The following TUSC3 variants were observed in gnomAD, a reference collection of about 807,000 sequenced individuals.
The protein encoded by TUSC3 is dolichyl-diphosphooligosaccharide--protein glycosyltransferase subunit TUSC3.
Under a neutral mutation model 44.8 loss-of-function variants are expected in TUSC3, and 45 were observed. The ratio of observed to expected loss-of-function variants is 1.00; its 90% CI spans 0.79 to 1.29. The LOEUF is 1.29. TUSC3 is among the 50% of genes most tolerant of loss of function. The pLI is 0.00. For missense variants in TUSC3, 519 were observed against 437.9 expected, an observed-to-expected ratio of 1.19 and a Z score of -1.65; for synonymous variants, 212 against 152.9, an observed-to-expected ratio of 1.39 and a Z score of -2.85.
chr8:15,631,822 C>T (rs1011760180), intron 2 of TUSC3, among the ~76,000 whole-genome samples: 64 of 152,156 alleles, frequency 4.2e-4, no homozygotes, highest in African/African-American at 1.5e-3. Flanking sequence ...TCTCCTGCCT[C>T]AGCCTCTCAG....
intron 1 of TUSC3, among the ~76,000 whole-genome samples, chr8:15,434,864 C>G (rs1201353781): frequency 1.3e-5 from 2 of 152,002 alleles, no homozygotes; most frequent in Non-Finnish European, 2.9e-5. Flanking sequence ...AGGACATGAA[C>G]TCATCATTTT....
chr8:15,809,410 C>G, the TUSC3 span, among the ~76,000 whole-genome samples: 1 of 152,070 alleles, frequency 6.6e-6, no homozygotes, highest in Non-Finnish European at 1.5e-5. Context: ...GGTAAAGGTC[C>G]CTTAAACAAA....
chr8:15,512,904 G>A (rs1447711139), intron 2 of TUSC3, among the ~76,000 whole-genome samples: 2 of 102,260 alleles, frequency 2.0e-5, no homozygotes, highest in African/African-American at 3.8e-5. Flanking sequence ...TTCTCTCGGT[G>A]TATATATATG....
At chr8:15,839,374 G>A in the TUSC3 span, among the ~76,000 whole-genome samples, 3 of 152,124 alleles carry the variant, frequency 2.0e-5, no homozygotes, top group Admixed American at 6.5e-5. Context: ...TGATTGCCCT[G>A]GCCAGAACTC....
chr8:15,735,498 T>TA (rs1391886735), intron 7 of TUSC3, among the ~76,000 whole-genome samples: 2 of 152,170 alleles, frequency 1.3e-5, no homozygotes, highest in African/African-American at 4.8e-5. Context: ...CTTAAGATCA[T>TA]AAAGCCAATC....
the TUSC3 span, among the ~76,000 whole-genome samples, chr8:15,793,778 G>T: frequency 6.6e-6 from 1 of 152,164 alleles, no homozygotes; most frequent in Admixed American, 6.5e-5. Context: ...ACATATAGGA[G>T]CACATATAGG....
At chr8:15,599,243 T>G (rs543890968) in intron 1 of TUSC3, among the ~76,000 whole-genome samples, 1 of 152,036 alleles carries the variant, frequency 6.6e-6, no homozygotes, top group South Asian at 2.1e-4. Context: ...GTGAGATGTC[T>G]CTTAAGGTCT....
intron 9 of TUSC3, among the ~76,000 whole-genome samples, chr8:15,755,226 T>G (rs1378479543): frequency 6.6e-6 from 1 of 152,144 alleles, no homozygotes; most frequent in Non-Finnish European, 1.5e-5. Flanking sequence ...TCAAGCTAAG[T>G]TCTCATTTAT....
chr8:15,515,716 G>A (rs1320378885), intron 2 of TUSC3, among the ~76,000 whole-genome samples: 1 of 152,052 alleles, frequency 6.6e-6, no homozygotes, highest in Non-Finnish European at 1.5e-5. Context: ...CACCCAGACT[G>A]GAGGGCAGTC....
chr8:15,561,257 C>T (rs1027703827), intron 1 of TUSC3, among the ~76,000 whole-genome samples: 1 of 146,200 alleles, frequency 6.8e-6, no homozygotes, highest in African/African-American at 2.5e-5. Flanking sequence ...GTTGGAATAC[C>T]CTGCAGTGTG....
rs71211076 is a variant in TUSC3, at chr8:15,700,849, C to CTTTTTTTTTTTTTTTTTTTT, written c.798+27031_798+27032insTTTTTTTTTTTTTTTTTTTT. Among the ~76,000 whole-genome samples, 49 of 90,534 alleles carry CTTTTTTTTTTTTTTTTTTTT rather than the reference C, an allele frequency of 5.4e-4. 3 individuals are homozygous for CTTTTTTTTTTTTTTTTTTTT. Among genetic ancestry groups the CTTTTTTTTTTTTTTTTTTTT allele is most frequent in the African/African-American group, 8.3e-4 (17 of 20,410 alleles). The allele number at this position is 90,534 out of a possible 152,430, so 59.4% of individuals were successfully genotyped here. On this transcript the variant is annotated intron_variant, in intron 6 of 10. Coordinates refer to ENST00000503731, the MANE Select transcript of TUSC3 (RefSeq NM_006765.4). ...CTTTCACTAGAGGGAATGGCTGGAG[C>CTTTTTTTTTTTTTTTTTTTT]TTTTTTTTTTTTTTTTTTGCTTTGC... is the stretch of plus-strand genomic sequence containing the variant.
chr8:15,724,514 A>G (rs530606017), intron 6 of TUSC3, among the ~76,000 whole-genome samples: 1 of 152,322 alleles, frequency 6.6e-6, no homozygotes, highest in East Asian at 1.9e-4. Context: ...CAAGGAAAAT[A>G]CAAGATTTTT....
chr8:15,596,084 A>C (rs936016030), intron 1 of TUSC3, among the ~76,000 whole-genome samples: 1 of 152,194 alleles, frequency 6.6e-6, no homozygotes, highest in Non-Finnish European at 1.5e-5. Context: ...AAGTGATGTA[A>C]CATTTATTTT....
the TUSC3 span, among the ~76,000 whole-genome samples, chr8:15,799,702 G>C: frequency 6.6e-6 from 1 of 152,084 alleles, no homozygotes; most frequent in Non-Finnish European, 1.5e-5. Context: ...TTCTCTTCTA[G>C]AAAGGCATGA....
chr8:15,600,087 G>A (rs1054327704), intron 1 of TUSC3, among the ~76,000 whole-genome samples: 1 of 151,830 alleles, frequency 6.6e-6, no homozygotes, highest in African/African-American at 2.4e-5. Flanking sequence ...GGGACTTCTA[G>A]TATGATGTTG....
At chr8:15,750,405 C>A (rs1189942455) in intron 9 of TUSC3, among the ~76,000 whole-genome samples, 1 of 152,052 alleles carries the variant, frequency 6.6e-6, no homozygotes, top group Non-Finnish European at 1.5e-5. Context: ...TATTATCTGA[C>A]AGCAATATAA....
chr8:15,544,465 A>C (rs892872192), intron 1 of TUSC3, among the ~76,000 whole-genome samples: 2 of 151,836 alleles, frequency 1.3e-5, no homozygotes, highest in Non-Finnish European at 2.9e-5. Context: ...TGTAGGTAAT[A>C]ATGAATATGC....
At chr8:15,821,740 T>A in the TUSC3 span, among the ~76,000 whole-genome samples, 1 of 152,030 alleles carries the variant, frequency 6.6e-6, no homozygotes. Flanking sequence ...TTATTTGCCT[T>A]AGAGAGCCCA....
At position 15,764,622 on chromosome 8, in the gene TUSC3, AT is replaced by A. The variant is rs1812276526; in HGVS notation, c.*468del. ...CATGAAAATATGTCATGTACTGAAA[AT>A]TAAACTTACTTCAGTTTCAGTTATA... On this transcript the variant is annotated 3_prime_UTR_variant, in exon 11 of 11. Coordinates refer to ENST00000503731, the MANE Select transcript of TUSC3 (RefSeq NM_006765.4). The A allele has an allele frequency of 5.4e-6, 1 of 184,658 alleles. No homozygotes were observed. 11.4% of individuals were successfully genotyped at this position (184,658 alleles called of 1,614,324 possible).
Sources: gnomAD v4.1 joint callset for allele counts (sites outside exome capture counted in the v4.1 genomes callset) on GRCh38, gnomAD v4.1.1 for gene constraint, MANE v1.5 for transcripts, NCBI Gene and HGNC (gene_info 2026-07-23, HGNC 2026-07-21) for gene names.